The following L3MBTL4 variants were observed in gnomAD, a reference collection of about 807,000 sequenced individuals.
L3MBTL4 encodes lethal(3)malignant brain tumor-like protein 4.
Under a neutral mutation model 84.5 loss-of-function variants are expected in L3MBTL4, and 70 were observed. The observed-to-expected ratio is 0.83, with a 90% CI of 0.68 to 1.01. The LOEUF (loss-of-function observed/expected upper bound fraction) is 1.01, where lower values mean the gene tolerates loss of function less well. Ranked by LOEUF, L3MBTL4 falls within the 50% of genes least tolerant of loss-of-function variation. L3MBTL4 has a pLI of 0.00. For synonymous variants in L3MBTL4, 274 were observed against 259.8 expected (o/e 1.05, Z -0.52); for missense variants, 715 against 754.8 (o/e 0.95, Z 0.62).
intron 1 of L3MBTL4, among the ~76,000 whole-genome samples, chr18:6,331,469 T>G (rs565852803): frequency 2.8e-4 from 43 of 152,010 alleles, no homozygotes; most frequent in Non-Finnish European, 1.3e-4. Context: ...GCTCTCAAAA[T>G]TAGTATGAAA....
chr18:6,352,146 A>G (rs976865956), intron 1 of L3MBTL4, among the ~76,000 whole-genome samples: 3 of 152,180 alleles, frequency 2.0e-5, no homozygotes. Context: ...TAATTACTCA[A>G]AATGTGGTCA....
chr18:6,089,641 C>A (rs2058374752), intron 15 of L3MBTL4, among the ~76,000 whole-genome samples: 1 of 152,134 alleles, frequency 6.6e-6, no homozygotes, highest in South Asian at 2.1e-4. Context: ...CCTCTCTGAA[C>A]TTTTAGATGC....
At chr18:5,963,651 T>C (rs1173871503) in intron 17 of L3MBTL4, among the ~76,000 whole-genome samples, 2 of 152,250 alleles carry the variant, frequency 1.3e-5, no homozygotes, top group African/African-American at 4.8e-5. Flanking sequence ...TGGCCAAGAA[T>C]TTTAAAATAT....
In L3MBTL4 at chr18:6,132,798, G is replaced by A. The variant is rs560309616; in HGVS notation, c.1199+5396C>T. ...AAGCTGCTGGAACAAAGTGCAGCAT[G>A]CCCATTGTGTCTGTGTCCACAGCCT... On this transcript the variant is annotated intron_variant, in intron 14 of 18. Coordinates refer to ENST00000317931, the MANE Select transcript of L3MBTL4 (RefSeq NM_001330559.2). 1.5e-4 allele frequency among the ~76,000 whole-genome samples: 23 copies of A among 152,264 alleles called. 1 individual carries two copies. Among genetic ancestry groups the A allele is most frequent in the African/African-American group, 5.1e-4 (21 of 41,550 alleles).
At chr18:6,115,186 G>C (rs2059319910) in intron 14 of L3MBTL4, among the ~76,000 whole-genome samples, 1 of 152,136 alleles carries the variant, frequency 6.6e-6, no homozygotes, top group Non-Finnish European at 1.5e-5. Context: ...TGAGAAATGG[G>C]CAGCCATTGG....
At chr18:5,984,436 CTT>C (rs2053378861) in intron 16 of L3MBTL4, among the ~76,000 whole-genome samples, 1 of 152,202 alleles carries the variant, frequency 6.6e-6, no homozygotes, top group Non-Finnish European at 1.5e-5. Context: ...ATGGCTTCCT[CTT>C]TTTAGTGGCT....
At chr18:6,036,453 T>C (rs2145665334) in intron 16 of L3MBTL4, among the ~76,000 whole-genome samples, 2 of 152,280 alleles carry the variant, frequency 1.3e-5, no homozygotes, top group Admixed American at 1.3e-4. Context: ...TCAAAATTTC[T>C]TTTTGGTTTC....
intron 1 of L3MBTL4, among the ~76,000 whole-genome samples, chr18:6,405,129 T>C (rs963375559): frequency 6.6e-6 from 1 of 152,238 alleles, no homozygotes; most frequent in Non-Finnish European, 1.5e-5. Context: ...ACTTTCAGTA[T>C]AACACCCAAC....
intron 16 of L3MBTL4, among the ~76,000 whole-genome samples, chr18:6,003,503 T>C (rs1243913478): frequency 2.6e-5 from 4 of 151,830 alleles, no homozygotes; most frequent in Non-Finnish European, 4.4e-5. Flanking sequence ...ATCAACCAAA[T>C]AGAAGATAAG....
At chr18:6,085,140 T>C (rs796188575) in intron 15 of L3MBTL4, among the ~76,000 whole-genome samples, 5 of 152,324 alleles carry the variant, frequency 3.3e-5, no homozygotes, top group African/African-American at 1.2e-4. Flanking sequence ...TTTTAAAATA[T>C]AGCAGTAAAA....
intron 16 of L3MBTL4, among the ~76,000 whole-genome samples, chr18:6,040,636 T>A (rs1477524439): frequency 6.6e-6 from 1 of 152,232 alleles, no homozygotes; most frequent in Non-Finnish European, 1.5e-5. Flanking sequence ...AACTTTTTAC[T>A]CACATCTCTT....
chr18:6,241,659 A>T (rs1237104849), intron 7 of L3MBTL4, among the ~76,000 whole-genome samples: 1 of 152,220 alleles, frequency 6.6e-6, no homozygotes, highest in Non-Finnish European at 1.5e-5. Context: ...TTTAAATTAA[A>T]ATCTCCAAAT....
chr18:6,032,860 T>C (rs1215117179), intron 16 of L3MBTL4, among the ~76,000 whole-genome samples: 1 of 152,230 alleles, frequency 6.6e-6, no homozygotes, highest in Non-Finnish European at 1.5e-5. Flanking sequence ...TTTTGTAGCA[T>C]ATGTGCAAAT....
chr18:6,029,401 G>A, intron 16 of L3MBTL4: 1 of 888,604 alleles, frequency 1.1e-6, no homozygotes, highest in Non-Finnish European at 1.3e-6. Context: ...TAGGTGACAT[G>A]TTTATTTACC....
chr18:6,183,143 C>A (rs1046810164), intron 12 of L3MBTL4, among the ~76,000 whole-genome samples: 1 of 152,062 alleles, frequency 6.6e-6, no homozygotes, highest in Non-Finnish European at 1.5e-5. Context: ...TAATAGAATC[C>A]CCAGGGTTTT....
chr18:6,236,087 G>T (rs770346920), intron 10 of L3MBTL4, among the ~76,000 whole-genome samples: 11 of 152,132 alleles, frequency 7.2e-5, no homozygotes, highest in Non-Finnish European at 1.5e-4. Flanking sequence ...AAATTCACAA[G>T]TTAATTCTAA....
At chr18:5,959,719 G>A (rs56256472) in intron 18 of L3MBTL4, among the ~76,000 whole-genome samples, 6,809 of 152,160 alleles carry the variant, frequency 0.045, 494 homozygotes, top group African/African-American at 0.15. Flanking sequence ...CCAATGGAGA[G>A]GCCTCATGAC....
chr18:6,127,020 G>C (rs1264022413), intron 14 of L3MBTL4, among the ~76,000 whole-genome samples: 1 of 152,168 alleles, frequency 6.6e-6, no homozygotes, highest in Non-Finnish European at 1.5e-5. Context: ...CATGATAAAA[G>C]TTTTAACTGA....
At chr18:6,138,809 C>A (rs2060110650) in intron 13 of L3MBTL4, among the ~76,000 whole-genome samples, 1 of 152,088 alleles carries the variant, frequency 6.6e-6, no homozygotes, top group Non-Finnish European at 1.5e-5. Context: ...ACCTCAGCCT[C>A]CCAAAGTACT....
Sources: allele counts gnomAD v4.1 joint callset (sites outside exome capture counted in the v4.1 genomes callset), GRCh38; gene constraint gnomAD v4.1.1; transcripts MANE v1.5; gene names NCBI Gene and HGNC (gene_info 2026-07-23, HGNC 2026-07-21).